Variants in RABGAP1 observed in about 807,000 individuals in gnomAD.
RABGAP1 encodes the protein rab GTPase-activating protein 1.
Under a neutral mutation model 137.6 loss-of-function variants are expected in RABGAP1, and 23 were observed. The ratio of observed to expected loss-of-function variants is 0.17; its 90% CI spans 0.12 to 0.24. The LOEUF is 0.24. RABGAP1 is among the 10% of genes least tolerant of loss of function. The pLI, the probability that RABGAP1 is intolerant of heterozygous loss-of-function variation, is 1.00. For missense variants in RABGAP1, 906 were observed against 1,275.8 expected, an observed-to-expected ratio of 0.71 and a Z score of 4.42; for synonymous variants, 451 against 450.7, an observed-to-expected ratio of 1.00 and a Z score of -0.01.
intron 2 of RABGAP1, among the ~76,000 whole-genome samples, chr9:122,983,751 T>C (rs1309571347): frequency 6.6e-6 from 1 of 152,240 alleles, no homozygotes; most frequent in African/African-American, 2.4e-5. Flanking sequence ...AAGCATTTAG[T>C]GACAATACTG....
chr9:123,071,099 G>T (rs1353801711), intron 15 of RABGAP1, among the ~76,000 whole-genome samples: 1 of 152,078 alleles, frequency 6.6e-6, no homozygotes, highest in African/African-American at 2.4e-5. Context: ...CCTTCTGGGA[G>T]CACAGAATTC....
At chr9:123,034,665 G>C in intron 13 of RABGAP1, 1 of 1,613,112 alleles carries the variant, frequency 6.2e-7, no homozygotes, top group Non-Finnish European at 8.5e-7. Context: ...TGGAAGTATT[G>C]ATTATTGTCT....
At position 122,947,541 on chromosome 9, in the gene RABGAP1, T is replaced by A. The variant is rs954304775; in HGVS notation, c.-50+6448T>A. Among the ~76,000 whole-genome samples, 6 of 152,258 alleles carry A rather than the reference T, an allele frequency of 3.9e-5. No individual in the cohort carries two copies. In the South Asian group the frequency reaches 1.2e-3, roughly 31 times the overall value. ...TTATAAAAAAGATGTTTTAAAGTTT[T>A]ATTTTGTTTTACAATTTCCTGTATT... On this transcript the variant is annotated intron_variant, in intron 1 of 25. Transcript: ENST00000373647.
intron 11 of RABGAP1, among the ~76,000 whole-genome samples, chr9:123,015,042 G>A (rs1025380912): frequency 2.6e-5 from 4 of 152,066 alleles, no homozygotes; most frequent in African/African-American, 9.7e-5. Flanking sequence ...GATGAGATTT[G>A]GGTGGGGACA....
intron 2 of RABGAP1, among the ~76,000 whole-genome samples, 152 bp from the exon 3 acceptor site, chr9:122,984,333 A>T (rs12337754): frequency 0.088 from 13,359 of 152,196 alleles, 1,703 homozygotes; most frequent in East Asian, 0.61. Flanking sequence ...TTTGTTGCAG[A>T]TCTTGATTTA....
intron 10 of RABGAP1, among the ~76,000 whole-genome samples, chr9:123,006,894 C>T (rs188025364): frequency 1.4e-4 from 21 of 152,284 alleles, no homozygotes; most frequent in African/African-American, 4.1e-4. Context: ...CAGGCGTGAG[C>T]CACTGCACCT....
chr9:122,959,088 T>A (rs567444786), intron 2 of RABGAP1, among the ~76,000 whole-genome samples: 59 of 152,006 alleles, frequency 3.9e-4, no homozygotes, highest in African/African-American at 1.4e-3. Flanking sequence ...AAAAATTAAT[T>A]AATAAGAGTG....
At chr9:122,996,225 G>A in intron 7 of RABGAP1, 74 bp downstream of exon 7, 3 of 1,492,890 alleles carry the variant, frequency 2.0e-6, no homozygotes, top group Non-Finnish European at 1.8e-6. Context: ...GTTTTACACT[G>A]TATTAAAAAA....
chr9:122,938,478 A>G (rs1211008176), upstream of RABGAP1: 3 of 152,238 alleles, frequency 2.0e-5, no homozygotes, highest in Non-Finnish European at 4.4e-5. Context: ...AAAAAAGTTG[A>G]GCATATTTGG....
intron 19 of RABGAP1, among the ~76,000 whole-genome samples, chr9:123,084,811 A>T (rs2034817488): frequency 6.6e-6 from 1 of 152,196 alleles, no homozygotes; most frequent in Non-Finnish European, 1.5e-5. Flanking sequence ...TAGTCTTCAT[A>T]AGGACTGTTA....
chr9:122,974,415 C>CTTTTTTTTTTT (rs11331973), intron 2 of RABGAP1, among the ~76,000 whole-genome samples: 10 of 58,218 alleles, frequency 1.7e-4, no homozygotes, highest in African/African-American at 3.5e-4. Flanking sequence ...ATGGCTTTGT[C>CTTTTTTTTTTT]TTTTTTTTTT....
chr9:123,101,808 C>T (rs1026962009), intron 25 of RABGAP1, 45 bp downstream of exon 25: 1 of 1,520,906 alleles, frequency 6.6e-7, no homozygotes, highest in Non-Finnish European at 8.8e-7. Context: ...GCTGGGTTTC[C>T]TGATGTGCAC....
chr9:123,057,379 T>C (rs1470442910), intron 13 of RABGAP1, among the ~76,000 whole-genome samples: 4 of 78,876 alleles, frequency 5.1e-5, no homozygotes, highest in Non-Finnish European at 8.2e-5. Flanking sequence ...CAGACGGGGT[T>C]GCGGCCGGGC....
intron 13 of RABGAP1, among the ~76,000 whole-genome samples, chr9:123,058,031 A>AGGGAGACC (rs1253209180): frequency 7.6e-6 from 1 of 131,362 alleles, no homozygotes; most frequent in African/African-American, 2.7e-5. Context: ...TCGGCATCAG[A>AGGGAGACC]GGGAGACCGT....
intron 12 of RABGAP1, among the ~76,000 whole-genome samples, chr9:123,019,186 T>C (rs1465358995): frequency 6.6e-6 from 1 of 152,204 alleles, no homozygotes; most frequent in East Asian, 1.9e-4. Flanking sequence ...TAACTTGTAG[T>C]GATATAGTAG....
At chr9:122,985,763 C>T (rs1041512642) in intron 3 of RABGAP1, among the ~76,000 whole-genome samples, 33 of 151,982 alleles carry the variant, frequency 2.2e-4, no homozygotes, top group East Asian at 7.7e-4. Context: ...TGATTGAGAC[C>T]GACTCTAATA....
chr9:123,032,478 G>A lies in RABGAP1; in HGVS notation c.1794+12019G>A, dbSNP rs576567754. On this transcript the variant is annotated intron_variant, in intron 13 of 25. Coordinates refer to ENST00000373647, the MANE Select transcript of RABGAP1 (RefSeq NM_012197.4). ...TTTTTTATTTTGGGGCTATGGCCGC[G>A]TCTGGGACTGGCCAGACAACTGCTG... is the stretch of plus-strand genomic sequence containing the variant. 6.6e-5 allele frequency among the ~76,000 whole-genome samples: 10 copies of A among 152,314 alleles called. No individual in the cohort carries two copies. In the East Asian group the frequency reaches 9.6e-4, roughly 15 times the overall value.
Position 122,984,715 on chromosome 9 carries a change from A to G in RABGAP1, c.381A>G (p.Gln127=). The change falls in exon 3 of 26, where the codon CAA becomes CAG. Residue 127 remains glutamine (Q), a synonymous_variant. Transcript: ENST00000373647. The part of the protein sequence containing the change: ...PEMSLPVKPG[Q]GDSEASSPFT... ...TGAGCCTACCAGTGAAACCTGGACA[A>G]GGAGGTTAGGATTGCTGCATTGCTT... is the stretch of plus-strand genomic sequence containing the variant. 6.2e-7 allele frequency: 1 copy of G among 1,612,984 alleles called. No individual in the cohort carries two copies. Among genetic ancestry groups the G allele is most frequent in the South Asian group, 1.1e-5 (1 of 91,058 alleles).
chr9:122,988,461 A>AT (rs1564381554), intron 4 of RABGAP1, among the ~76,000 whole-genome samples: 1 of 146,546 alleles, frequency 6.8e-6, no homozygotes. Context: ...TATCCCTTTG[A>AT]TTTTTTACTG....
Sources: gnomAD v4.1 joint callset for allele counts (sites outside exome capture counted in the v4.1 genomes callset) on GRCh38, gnomAD v4.1.1 for gene constraint, MANE v1.5 for transcripts, NCBI Gene and HGNC (gene_info 2026-07-23, HGNC 2026-07-21) for gene names.